GAR1: variants seen among roughly 807,000 people sequenced by gnomAD.
GAR1 encodes the protein GAR1 ribonucleoprotein.
Under a neutral mutation model 29.3 loss-of-function variants are expected in GAR1, and 11 were observed. The ratio of observed to expected loss-of-function variants is 0.38; its 90% CI spans 0.24 to 0.62. The LOEUF is 0.62. GAR1 is among the 20% of genes least tolerant of loss of function. The pLI, the probability that GAR1 is intolerant of heterozygous loss-of-function variation, is 0.62. For missense variants in GAR1, 237 were observed against 268.4 expected (o/e 0.88, Z 0.82); for synonymous variants, 87 against 93.3 (o/e 0.93, Z 0.39).
At chr4:109,823,037 A>T (rs1430982694) in intron 5 of GAR1, among the ~76,000 whole-genome samples, 2 of 152,192 alleles carry the variant, frequency 1.3e-5, no homozygotes, top group African/African-American at 4.8e-5. Context: ...CACTGTTGTG[A>T]TGTATGCCTT....
At chr4:109,818,871 A>C in intron 3 of GAR1, 130 bp from the exon 4 acceptor site, 2 of 568,680 alleles carry the variant, frequency 3.5e-6, no homozygotes, top group East Asian at 3.1e-5. Context: ...AGCCCCTGGA[A>C]ATTCATTTCT....
At chr4:109,823,858 T>G in intron 5 of GAR1, 107 bp from the exon 6 acceptor site, 1 of 625,878 alleles carries the variant, frequency 1.6e-6, no homozygotes, top group East Asian at 3.1e-5. Context: ...TGTATTGATC[T>G]TTTTAGGCTT....
At chr4:109,816,006 GT>G in intron 1 of GAR1, 146 bp from the exon 2 acceptor site, 2 of 773,150 alleles carry the variant, frequency 2.6e-6, no homozygotes, top group Admixed American at 2.0e-5. Flanking sequence ...CACCCATCAG[GT>G]TGGTGGTCAC....
In GAR1 at chr4:109,819,207, A is replaced by C. The variant is rs756480517; in HGVS notation, c.429+147A>C. The C allele has an allele frequency of 4.3e-6, 3 of 692,964 alleles. No individual in the cohort carries two copies. In the East Asian group the frequency reaches 7.8e-5, roughly 18 times the overall value. 42.9% of individuals were successfully genotyped at this position (692,964 alleles called of 1,614,324 possible). On this transcript the variant is annotated intron_variant, in intron 4 of 6. Coordinates refer to ENST00000226796, the MANE Select transcript of GAR1 (RefSeq NM_018983.4). Reference sequence around the variant, plus strand: ...AAATGTTCCATGCTATAAATATTGAACACACTAATCTTTAAAAGTGATTTA... The same window carrying C: ...AAATGTTCCATGCTATAAATATTGACCACACTAATCTTTAAAAGTGATTTA...
rs150394664 is a variant in GAR1, at chr4:109,822,625, A to G, written c.571+137A>G. The G allele has an allele frequency of 1.9e-4, 146 of 788,578 alleles. 1 individual carries two copies. The Middle Eastern group carries it at 2.2e-3, about 12-fold the overall frequency. 48.8% of individuals were successfully genotyped at this position (788,578 alleles called of 1,614,324 possible). On this transcript the variant is annotated intron_variant, in intron 5 of 6. Transcript: ENST00000226796. ...TAAAGCTGCTTTCCAATATTGGCAGATTGTCCATAATAATAATGCTTCATT... is the reference window on the plus strand; with the variant it reads ...TAAAGCTGCTTTCCAATATTGGCAGGTTGTCCATAATAATAATGCTTCATT...
At chr4:109,824,355 G>C (rs1733596562) in intron 6 of GAR1, 63 bp from the exon 7 acceptor site, 1 of 1,097,906 alleles carries the variant, frequency 9.1e-7, no homozygotes. Flanking sequence ...TTGAGATTTA[G>C]GTTATAATAC....
At chr4:109,816,581 A>G (rs1733359710) in intron 2 of GAR1, among the ~76,000 whole-genome samples, 2 of 152,238 alleles carry the variant, frequency 1.3e-5, no homozygotes, top group African/African-American at 4.8e-5. Context: ...GATATTAAAT[A>G]GGTAATCGTG....
chr4:109,817,737 T>C (rs1733393589), intron 2 of GAR1, among the ~76,000 whole-genome samples, 199 bp from the exon 3 acceptor site: 1 of 152,328 alleles, frequency 6.6e-6, no homozygotes, highest in South Asian at 2.1e-4. Context: ...AGAGGGTGGG[T>C]AACTTCTCCT....
At chr4:109,821,823 C>T (rs986396830) in intron 4 of GAR1, among the ~76,000 whole-genome samples, 4 of 151,960 alleles carry the variant, frequency 2.6e-5, no homozygotes, top group Admixed American at 1.3e-4. Context: ...GATCATCACA[C>T]AAACATGTGA....
rs192677878 is a variant in GAR1 at position 109,823,930 on chromosome 4, A to T, written c.572-35A>T. ...ATTATTATATTCTATTGTTATTTAA[A>T]TACTTTGCGTTATTATTTAATAAAT... is the stretch of plus-strand genomic sequence containing the variant. On this transcript the variant is annotated intron_variant, in intron 5 of 6. Transcript: ENST00000226796. 125 of 1,323,486 alleles carry T rather than the reference A, an allele frequency of 9.4e-5. No individual in the cohort carries two copies. In the African/African-American group the frequency reaches 1.6e-3, roughly 17 times the overall value. 82.0% of individuals were successfully genotyped at this position (1,323,486 alleles called of 1,614,324 possible).
At chr4:109,822,169 A>AAG (rs1283595294) in intron 4 of GAR1, among the ~76,000 whole-genome samples, 178 bp from the exon 5 acceptor site, 4 of 151,250 alleles carry the variant, frequency 2.6e-5, no homozygotes, top group Non-Finnish European at 4.4e-5. Flanking sequence ...AAAAAAAAAA[A>AAG]AAAAAAAAAA....
At chr4:109,820,898 C>T (rs903710260) in intron 4 of GAR1, among the ~76,000 whole-genome samples, 11 of 151,988 alleles carry the variant, frequency 7.2e-5, no homozygotes, top group Admixed American at 2.6e-4. Context: ...AAAAGGGATT[C>T]TCATCTTGTG....
chr4:109,819,437 A>T (rs1292699926), intron 4 of GAR1: 2 of 229,700 alleles, frequency 8.7e-6, no homozygotes, highest in Non-Finnish European at 1.7e-5. Context: ...CAAGAACTTC[A>T]ATAACATGAT....
At chr4:109,824,055 TA>T (rs1400556263) in intron 6 of GAR1, 22 bp downstream of exon 6, 4 of 1,446,122 alleles carry the variant, frequency 2.8e-6, no homozygotes, top group Non-Finnish European at 3.9e-6. Context: ...AAAAAGTCTT[TA>T]AATTGCTTAA....
chr4:109,817,631 T>G (rs1190774326), intron 2 of GAR1, among the ~76,000 whole-genome samples: 2 of 152,196 alleles, frequency 1.3e-5, no homozygotes, highest in Non-Finnish European at 2.9e-5. Context: ...CACTTGACAT[T>G]TGTTATTCCA....
At chr4:109,817,686 A>G (rs12645244) in intron 2 of GAR1, among the ~76,000 whole-genome samples, 10,989 of 152,236 alleles carry the variant, frequency 0.072, 719 homozygotes, top group East Asian at 0.23. Flanking sequence ...TATACATTAT[A>G]TGTTATTAGT....
chr4:109,817,915 C>T (rs1733398106), intron 2 of GAR1, 21 bp from the exon 3 acceptor site: 3 of 1,584,920 alleles, frequency 1.9e-6, no homozygotes, highest in African/African-American at 1.4e-5. Context: ...TATGTTTTAA[C>T]ATTTTCTTGT....
intron 2 of GAR1, among the ~76,000 whole-genome samples, chr4:109,816,631 A>G (rs1733361317): frequency 6.6e-6 from 1 of 152,150 alleles, no homozygotes; most frequent in Admixed American, 6.5e-5. Context: ...AGATGAGAAA[A>G]CTATGATTTA....
chr4:109,818,567 C>CTTT lies in GAR1; in HGVS notation c.370-419_370-417dup, dbSNP rs34081446. ...CCTCCCTTCCTTCCTTTCTTTTTTC[C>CTTT]TTTTTTTTTTTTTTTTTGACAGAGA... is the stretch of plus-strand genomic sequence containing the variant. On this transcript the variant is annotated intron_variant, in intron 3 of 6. Transcript: ENST00000226796. Among the ~76,000 whole-genome samples, 101 of 123,758 alleles carry CTTT rather than the reference C, an allele frequency of 8.2e-4. 3 individuals carry two copies. Among genetic ancestry groups the CTTT allele is most frequent in the Middle Eastern group, 9.0e-3 (2 of 222 alleles). The allele number at this position is 123,758 out of a possible 152,430, so 81.2% of individuals were successfully genotyped here. A position where few individuals can be genotyped will look rare whatever the true frequency, so the allele number is the denominator to read the frequency against.
Sources: allele counts gnomAD v4.1 joint callset (sites outside exome capture counted in the v4.1 genomes callset), GRCh38; gene constraint gnomAD v4.1.1; transcripts MANE v1.5; gene names NCBI Gene and HGNC (gene_info 2026-07-23, HGNC 2026-07-21).